Variants in KCND2 observed in about 807,000 individuals in gnomAD.
The protein encoded by KCND2 is potassium voltage-gated channel subfamily D member 2, also known as A-type voltage-gated potassium channel KCND2.
A neutral mutation model predicts 54.4 loss-of-function variants in KCND2; 16 were observed. The observed-to-expected ratio is 0.29, with a 90% CI of 0.20 to 0.45. The LOEUF (loss-of-function observed/expected upper bound fraction) is 0.45, where lower values mean the gene tolerates loss of function less well. Among genes scored for constraint, KCND2 ranks in the 20% least tolerant of loss-of-function variants. The probability of loss-of-function intolerance (pLI) is 1.00; values close to 1 mark genes in which losing one functional copy is unlikely to be tolerated. For synonymous variants in KCND2, 317 were observed against 310.7 expected (o/e 1.02, Z -0.21); for missense variants, 486 against 824.2 (o/e 0.59, Z 5.02).
At chr7:120,741,916 G>A (rs1042085531) in intron 3 of KCND2, among the ~76,000 whole-genome samples, 1 of 151,912 alleles carries the variant, frequency 6.6e-6, no homozygotes, top group African/African-American at 2.4e-5. Context: ...AAAAAAAAAT[G>A]CTTAATAATT....
chr7:120,683,012 C>A (rs1792159510), intron 1 of KCND2, among the ~76,000 whole-genome samples: 1 of 152,170 alleles, frequency 6.6e-6, no homozygotes, highest in Non-Finnish European at 1.5e-5. Flanking sequence ...GACTCCCCAA[C>A]TATGCTGTTG....
At chr7:120,394,084 G>A (rs937809090) in intron 1 of KCND2, among the ~76,000 whole-genome samples, 1 of 151,940 alleles carries the variant, frequency 6.6e-6, no homozygotes, top group African/African-American at 2.4e-5. Context: ...CATCCGATGG[G>A]TTCTTCCTGC....
chr7:120,303,579 T>A (rs572221293), intron 1 of KCND2, among the ~76,000 whole-genome samples: 108 of 152,306 alleles, frequency 7.1e-4, no homozygotes, highest in Non-Finnish European at 1.4e-3. Context: ...AATTTTTACT[T>A]CAGCAGGATT....
intron 1 of KCND2, among the ~76,000 whole-genome samples, chr7:120,619,831 A>G (rs938335535): frequency 9.8e-5 from 15 of 152,336 alleles, no homozygotes; most frequent in African/African-American, 3.6e-4. Context: ...TATTGTCATA[A>G]TTATTCTTGG....
At position 120,749,911 on chromosome 7, in the gene KCND2, T is replaced by C. The variant is rs921293523; in HGVS notation, c.*2053T>C. The C allele has an allele frequency of 2.6e-5, 4 of 151,970 alleles. No homozygotes were observed. The highest frequency in any genetic ancestry group is 5.9e-5 in the Non-Finnish European group (4 of 67,870). The allele number at this position is 151,970 out of a possible 1,614,324, so 9.4% of individuals were successfully genotyped here. ...AAGGAAACCATAATCAGAATTACTA[T>C]GTCTTTTGATTCCCAATGAGAAGTT... On this transcript the variant is annotated 3_prime_UTR_variant, in exon 6 of 6. Transcript: ENST00000331113.
intron 1 of KCND2, among the ~76,000 whole-genome samples, chr7:120,701,960 G>A (rs1562914158): frequency 6.6e-6 from 1 of 152,128 alleles, no homozygotes; most frequent in Non-Finnish European, 1.5e-5. Flanking sequence ...TGACAAATAA[G>A]ATTTAATTGA....
intron 1 of KCND2, among the ~76,000 whole-genome samples, chr7:120,477,341 C>T (rs541586510): frequency 1.8e-4 from 28 of 152,138 alleles, no homozygotes; most frequent in Non-Finnish European, 2.6e-4. Context: ...CATACCACTG[C>T]GGCACTGGAT....
chr7:120,334,986 G>C (rs1329281378), intron 1 of KCND2, among the ~76,000 whole-genome samples: 3 of 152,156 alleles, frequency 2.0e-5, no homozygotes, highest in Admixed American at 6.5e-5. Context: ...ACCATGAAGA[G>C]TACAGCTTGA....
intron 1 of KCND2, among the ~76,000 whole-genome samples, chr7:120,605,692 G>A (rs1197301180): frequency 3.3e-5 from 5 of 152,136 alleles, no homozygotes; most frequent in Non-Finnish European, 4.4e-5. Flanking sequence ...CCAGCAATGT[G>A]TGAGTGTTCC....
intron 1 of KCND2, among the ~76,000 whole-genome samples, chr7:120,347,457 G>T (rs2116376730): frequency 6.6e-6 from 1 of 152,204 alleles, no homozygotes; most frequent in South Asian, 2.1e-4. Context: ...ATGTTTGACA[G>T]TAAGAGGTAC....
chr7:120,356,441 C>T (rs1800506416), intron 1 of KCND2, among the ~76,000 whole-genome samples: 1 of 151,996 alleles, frequency 6.6e-6, no homozygotes, highest in Admixed American at 6.6e-5. Flanking sequence ...AATGCTAAAT[C>T]ATAAATAAAT....
At position 120,748,330 on chromosome 7, in the gene KCND2, A is replaced by G. The variant is rs1056038692; in HGVS notation, c.*472A>G. 1 of 156,664 alleles carries G rather than the reference A, an allele frequency of 6.4e-6. No homozygotes were observed. The highest frequency in any genetic ancestry group is 1.4e-5 in the Non-Finnish European group (1 of 70,826). 9.7% of individuals were successfully genotyped at this position (156,664 alleles called of 1,614,324 possible). On this transcript the variant is annotated 3_prime_UTR_variant, in exon 6 of 6. Coordinates refer to ENST00000331113, the MANE Select transcript of KCND2 (RefSeq NM_012281.3). ...TTTGTATTGACTGAAGGAAACCATCATAATGCATGCTAGAATTCTTTGAAG... is the reference window on the plus strand; with the variant it reads ...TTTGTATTGACTGAAGGAAACCATCGTAATGCATGCTAGAATTCTTTGAAG...
intron 1 of KCND2, among the ~76,000 whole-genome samples, chr7:120,406,800 C>G (rs896333990): frequency 1.1e-4 from 17 of 151,798 alleles, no homozygotes; most frequent in African/African-American, 3.6e-4. Context: ...GTAAAATGAT[C>G]GTTTTTAAGA....
At chr7:120,680,839 G>A (rs558540667) in intron 1 of KCND2, among the ~76,000 whole-genome samples, 2 of 152,128 alleles carry the variant, frequency 1.3e-5, no homozygotes, top group South Asian at 4.1e-4. Flanking sequence ...AGAAATAAAA[G>A]TATAGGGAAT....
At chr7:120,437,118 C>T (rs1473546581) in intron 1 of KCND2, among the ~76,000 whole-genome samples, 1 of 151,802 alleles carries the variant, frequency 6.6e-6, no homozygotes, top group Admixed American at 6.6e-5. Flanking sequence ...AGTAATTTTG[C>T]ATTTTTGAAC....
intron 1 of KCND2, among the ~76,000 whole-genome samples, chr7:120,402,532 T>C (rs551466397): frequency 1.3e-5 from 2 of 152,318 alleles, no homozygotes; most frequent in South Asian, 2.1e-4. Context: ...AGTTACACTA[T>C]GTGGATTAAT....
chr7:120,527,291 TC>T (rs1791788762), intron 1 of KCND2, among the ~76,000 whole-genome samples: 1 of 152,154 alleles, frequency 6.6e-6, no homozygotes, highest in South Asian at 2.1e-4. Context: ...GGGACCTCAT[TC>T]CTGGAAATCA....
At chr7:120,428,108 G>C (rs570892515) in intron 1 of KCND2, among the ~76,000 whole-genome samples, 17 of 152,218 alleles carry the variant, frequency 1.1e-4, no homozygotes, top group African/African-American at 4.1e-4. Flanking sequence ...TGAACATAAA[G>C]TACATTTACC....
intron 1 of KCND2, among the ~76,000 whole-genome samples, chr7:120,404,443 C>G (rs1323124986): frequency 6.6e-6 from 1 of 152,036 alleles, no homozygotes; most frequent in Non-Finnish European, 1.5e-5. Flanking sequence ...CTGTTTATAG[C>G]TTGTTGGATT....
Sources: allele counts gnomAD v4.1 joint callset (sites outside exome capture counted in the v4.1 genomes callset), GRCh38; gene constraint gnomAD v4.1.1; transcripts MANE v1.5; gene names NCBI Gene and HGNC (gene_info 2026-07-23, HGNC 2026-07-21).